Variants in FREM1 observed in about 807,000 individuals in gnomAD.
The protein encoded by FREM1 is FRAS1-related extracellular matrix protein 1.
In FREM1, 220 loss-of-function variants were observed where a neutral mutation model predicts 210.1. That is an observed-to-expected ratio of 1.05 (90% CI 0.94 to 1.17). FREM1 has a LOEUF of 1.17. FREM1 is among the 50% of genes most tolerant of loss of function. The pLI, the probability that FREM1 is intolerant of heterozygous loss-of-function variation, is 0.00. For synonymous variants in FREM1, 1,189 were observed against 980.2 expected, an observed-to-expected ratio of 1.21 and a Z score of -3.98; for missense variants, 3,454 against 2,675.5, an observed-to-expected ratio of 1.29 and a Z score of -6.42.
intron 6 of FREM1, among the ~76,000 whole-genome samples, chr9:14,849,017 A>C (rs1264584016): frequency 6.6e-6 from 1 of 152,228 alleles, no homozygotes; most frequent in Non-Finnish European, 1.5e-5. Flanking sequence ...AAAATTGGTA[A>C]TATGCTGGAG....
Position 14,859,300 on chromosome 9 carries a change from T to C in FREM1, c.514A>G (p.Thr172Ala), listed in dbSNP as rs776704802. 5 of 1,613,742 alleles carry C rather than the reference T, an allele frequency of 3.1e-6. No individual in the cohort carries two copies. The African/African-American group carries it at 6.7e-5, about 22-fold the overall frequency. ...GTTCTCGCAGTGTCCAGGCTGACGG[T>C]ACATTCCAGGCTAGCCATCCTATCA... ...DYDRMASLECTVSLDTARTRL... is the reference protein window; with the variant it reads ...DYDRMASLECAVSLDTARTRL... The change falls in exon 4 of 37, where the codon ACC (threonine) becomes GCC (alanine). Residue 172 changes from threonine to alanine, a missense_variant. By Grantham distance (58) the Thr-to-Ala change is moderately conservative. Transcript: ENST00000380880.
At chr9:14,843,313 C>T (rs2131238161) in intron 8 of FREM1, among the ~76,000 whole-genome samples, 1 of 152,294 alleles carries the variant, frequency 6.6e-6, no homozygotes, top group Middle Eastern at 3.4e-3. Context: ...ACTCCCCTTG[C>T]CCATCTTCTC....
At chr9:14,765,554 G>C (rs993789434) in intron 27 of FREM1, among the ~76,000 whole-genome samples, 1 of 152,172 alleles carries the variant, frequency 6.6e-6, no homozygotes, top group African/African-American at 2.4e-5. Context: ...GCTTTCCTAA[G>C]ATCTAGTCTG....
Position 14,819,422 on chromosome 9 carries a change from T to C in FREM1, c.2358A>G (p.Lys786=), listed in dbSNP as rs61745880. 4,347 of 1,612,114 alleles carry C rather than the reference T, an allele frequency of 2.7e-3. 112 individuals are homozygous for C. The African/African-American group carries it at 0.048, about 18-fold the overall frequency. Residue 786 remains lysine (K), a synonymous_variant, in exon 14 of 37, where the codon AAA becomes AAG. Transcript: ENST00000380880. ...QVPEAFTNPL[K]VTEGGQSIIS... Reference sequence around the variant, plus strand: ...TGATGCTTTGACCTCCCTCAGTCACTTTCAGAGGGTTGGTGAACGCCTAGA... The same window carrying C: ...TGATGCTTTGACCTCCCTCAGTCACCTTCAGAGGGTTGGTGAACGCCTAGA...
In FREM1 at chr9:14,819,215, A is replaced by T. The variant is rs148105613; in HGVS notation, c.2546+19T>A. 1.3e-6 allele frequency: 2 copies of T among 1,547,804 alleles called. No individual in the cohort carries two copies. Among genetic ancestry groups the T allele is most frequent in the African/African-American group, 2.8e-5 (2 of 72,712 alleles). ...AGAAACTAAAGCATGTAAATAAAAAAACCATGAAATGTTCTAACCTAACTT... is the reference window on the plus strand; with the variant it reads ...AGAAACTAAAGCATGTAAATAAAAATACCATGAAATGTTCTAACCTAACTT... On this transcript the variant is annotated intron_variant, in intron 14 of 36. Transcript: ENST00000380880.
At chr9:14,822,297 C>T (rs1172347335) in intron 13 of FREM1, among the ~76,000 whole-genome samples, 1 of 152,298 alleles carries the variant, frequency 6.6e-6, no homozygotes, top group East Asian at 1.9e-4. Context: ...GCAGGTTGGG[C>T]AGCCCTTTTA....
chr9:14,883,401 T>A (rs1358560393), intron 1 of FREM1, among the ~76,000 whole-genome samples: 2 of 152,190 alleles, frequency 1.3e-5, no homozygotes, highest in Non-Finnish European at 2.9e-5. Flanking sequence ...TTGGTTTTAT[T>A]TGCATTCTAA....
intron 4 of FREM1, among the ~76,000 whole-genome samples, chr9:14,858,592 A>C (rs1211596706): frequency 1.3e-5 from 2 of 151,984 alleles, no homozygotes; most frequent in Admixed American, 1.3e-4. Flanking sequence ...CCAAAATTCA[A>C]AGTATTACTA....
chr9:14,792,331 G>C (rs543444019), intron 22 of FREM1, among the ~76,000 whole-genome samples: 1 of 147,950 alleles, frequency 6.8e-6, no homozygotes, highest in African/African-American at 2.5e-5. Context: ...GAGAGAACAA[G>C]AAAGACTGTA....
intron 8 of FREM1, among the ~76,000 whole-genome samples, chr9:14,845,301 C>A (rs1180406703): frequency 6.6e-6 from 1 of 151,922 alleles, no homozygotes; most frequent in Non-Finnish European, 1.5e-5. Flanking sequence ...ATTAATTTTT[C>A]TTTTTCTTTT....
intron 31 of FREM1, among the ~76,000 whole-genome samples, chr9:14,747,998 A>C (rs1168790244): frequency 6.6e-6 from 1 of 152,162 alleles, no homozygotes; most frequent in East Asian, 1.9e-4. Context: ...CACAGGTCCA[A>C]GAACACACAC....
At chr9:14,884,093 G>A (rs927549878) in intron 1 of FREM1, among the ~76,000 whole-genome samples, 7 of 152,192 alleles carry the variant, frequency 4.6e-5, no homozygotes, top group African/African-American at 1.4e-4. Context: ...GCCGGGCGTG[G>A]TGGTGGGTGC....
chr9:14,810,264 T>C (rs1164641930), intron 16 of FREM1, among the ~76,000 whole-genome samples: 1 of 152,006 alleles, frequency 6.6e-6, no homozygotes, highest in Non-Finnish European at 1.5e-5. Flanking sequence ...GAAGGCAAAT[T>C]GCAAATTGAG....
intron 23 of FREM1, 108 bp from the exon 24 acceptor site, chr9:14,784,742 C>T (rs771330754): frequency 1.3e-4 from 89 of 701,792 alleles, no homozygotes; most frequent in Non-Finnish European, 1.5e-4. Flanking sequence ...AAAATTAATA[C>T]GACATAGAAA....
At chr9:14,808,871 T>C (rs1415024623) in intron 16 of FREM1, among the ~76,000 whole-genome samples, 5 of 152,218 alleles carry the variant, frequency 3.3e-5, no homozygotes, top group African/African-American at 1.2e-4. Context: ...GGTTACCCAC[T>C]AAGAGCGTGG....
intron 1 of FREM1, among the ~76,000 whole-genome samples, chr9:14,892,114 T>G (rs1292143946): frequency 6.6e-6 from 1 of 152,138 alleles, no homozygotes; most frequent in African/African-American, 2.4e-5. Flanking sequence ...AAGAACTCTC[T>G]CTTGGGGTCT....
chr9:14,790,549 C>A (rs894606075), intron 22 of FREM1: 7 of 152,194 alleles, frequency 4.6e-5, no homozygotes, highest in Non-Finnish European at 1.0e-4. Context: ...AAGAAGACAT[C>A]TTTTCCTCTC....
At chr9:14,856,010 GC>G (rs1828668728) in intron 5 of FREM1, among the ~76,000 whole-genome samples, 1 of 152,012 alleles carries the variant, frequency 6.6e-6, no homozygotes, top group African/African-American at 2.4e-5. Flanking sequence ...ACTTCTCGGG[GC>G]CACCACTATA....
intron 24 of FREM1, among the ~76,000 whole-genome samples, chr9:14,777,652 CTTTT>C (rs34720888): frequency 0.49 from 73,694 of 151,426 alleles, 18,926 homozygotes; most frequent in Non-Finnish European, 0.58. Context: ...TTTGGAAGTT[CTTTT>C]TTAACTAGAG....
Sources: gnomAD v4.1 joint callset for allele counts (sites outside exome capture counted in the v4.1 genomes callset) on GRCh38, gnomAD v4.1.1 for gene constraint, MANE v1.5 for transcripts, NCBI Gene and HGNC (gene_info 2026-07-23, HGNC 2026-07-21) for gene names.